The following NPLOC4 variants were observed in gnomAD, a reference collection of about 807,000 sequenced individuals.
NPLOC4 encodes NPL4 homolog, ubiquitin recognition factor.
A neutral mutation model predicts 80.6 loss-of-function variants in NPLOC4; 18 were observed. That is an observed-to-expected ratio of 0.22 (90% CI 0.15 to 0.33). The LOEUF (loss-of-function observed/expected upper bound fraction) is 0.33, where lower values mean the gene tolerates loss of function less well. Ranked by LOEUF, NPLOC4 falls within the 10% of genes least tolerant of loss-of-function variation. NPLOC4 has a pLI of 1.00. For missense variants in NPLOC4, 540 were observed against 786.1 expected, an observed-to-expected ratio of 0.69 and a Z score of 3.74; for synonymous variants, 313 against 301.5, an observed-to-expected ratio of 1.04 and a Z score of -0.39.
intron 12 of NPLOC4, among the ~76,000 whole-genome samples, chr17:81,576,461 G>A (rs549822040): frequency 6.6e-6 from 1 of 152,292 alleles, no homozygotes; most frequent in Non-Finnish European, 1.5e-5. Flanking sequence ...ATCCACTTTG[G>A]GGCGTGAGTG....
intron 9 of NPLOC4, among the ~76,000 whole-genome samples, chr17:81,599,447 T>C (rs565230901): frequency 7.9e-5 from 12 of 152,186 alleles, no homozygotes; most frequent in Non-Finnish European, 1.6e-4. Context: ...AACCCAAATA[T>C]GCCCCTAAAT....
chr17:81,576,947 G>C (rs140847055), intron 12 of NPLOC4, among the ~76,000 whole-genome samples: 55 of 152,250 alleles, frequency 3.6e-4, no homozygotes, highest in Non-Finnish European at 7.2e-4. Context: ...CAGACCCTTC[G>C]AGTACATAGT....
chr17:81,600,295 C>A (rs1342826911), intron 9 of NPLOC4, 46 bp downstream of exon 9: 7 of 1,440,046 alleles, frequency 4.9e-6, no homozygotes, highest in Admixed American at 1.9e-5. Context: ...GGATGCCCAA[C>A]AGAGCCTGGC....
At chr17:81,582,107 A>C (rs1419759241) in intron 12 of NPLOC4, among the ~76,000 whole-genome samples, 1 of 152,228 alleles carries the variant, frequency 6.6e-6, no homozygotes, top group Non-Finnish European at 1.5e-5. Context: ...TGGAGCATAG[A>C]CAGAGCCAGT....
chr17:81,575,405 C>G (rs1254909754), intron 12 of NPLOC4, among the ~76,000 whole-genome samples: 2 of 152,216 alleles, frequency 1.3e-5, no homozygotes, highest in Admixed American at 6.5e-5. Flanking sequence ...CCAGCTGACA[C>G]TTGGTTTCTT....
chr17:81,622,581 C>T (rs903100117), intron 2 of NPLOC4, among the ~76,000 whole-genome samples: 1 of 152,188 alleles, frequency 6.6e-6, no homozygotes, highest in Non-Finnish European at 1.5e-5. Flanking sequence ...CAGACAGTCT[C>T]GTTCTGTAGC....
chr17:81,567,135 C>T lies in NPLOC4; in HGVS notation c.1566+282G>A. 1 of 391,624 alleles carries T rather than the reference C, an allele frequency of 2.6e-6. No individual in the cohort carries two copies. Among genetic ancestry groups the T allele is most frequent in the South Asian group, 2.9e-5 (1 of 34,554 alleles). 24.3% of individuals were successfully genotyped at this position (391,624 alleles called of 1,614,324 possible). ...GCAGAGCTAAATCACCTCTGCTTCCCATTCGATTGTAACAGATGAAACCGT... is the reference window on the plus strand; with the variant it reads ...GCAGAGCTAAATCACCTCTGCTTCCTATTCGATTGTAACAGATGAAACCGT... On this transcript the variant is annotated intron_variant, in intron 15 of 16. Transcript: ENST00000331134. The surrounding 1 kb of genome is among the most constrained non-coding windows in gnomAD (Gnocchi z 4.5).
intron 1 of NPLOC4, 195 bp from the exon 2 acceptor site, chr17:81,630,000 G>A (rs1022554911): frequency 1.2e-5 from 6 of 516,612 alleles, no homozygotes; most frequent in African/African-American, 1.2e-4. Flanking sequence ...CATATGGGGA[G>A]ATATTTTAAG....
chr17:81,623,650 T>G (rs900648278), intron 2 of NPLOC4, among the ~76,000 whole-genome samples: 5 of 150,688 alleles, frequency 3.3e-5, no homozygotes, highest in Non-Finnish European at 7.4e-5. Context: ...TACAAAAAAT[T>G]AGCCGGGCGT....
At chr17:81,560,576 G>A (rs1209508504) in intron 16 of NPLOC4, 1 of 152,074 alleles carries the variant, frequency 6.6e-6, no homozygotes, top group African/African-American at 2.4e-5. Flanking sequence ...GGGTGGTGGT[G>A]CGCACCTGTA....
At chr17:81,581,111 A>T (rs2034426413) in intron 12 of NPLOC4, among the ~76,000 whole-genome samples, 1 of 152,216 alleles carries the variant, frequency 6.6e-6, no homozygotes, top group African/African-American at 2.4e-5. Context: ...GCACTCTGGG[A>T]GGCCAAGGCG....
intron 16 of NPLOC4, chr17:81,562,951 G>T (rs1367193039): frequency 7.1e-6 from 1 of 140,628 alleles, no homozygotes; most frequent in Non-Finnish European, 1.6e-5. Flanking sequence ...AAAAAAAGGA[G>T]GGGGGAAAAA....
At chr17:81,622,400 A>G (rs1265746722) in intron 2 of NPLOC4, 122 bp from the exon 3 acceptor site, 1 of 729,964 alleles carries the variant, frequency 1.4e-6, no homozygotes. Flanking sequence ...ATCATTTACC[A>G]AATTCCTCTT....
At chr17:81,610,318 G>A (rs2035308681) in intron 4 of NPLOC4, 60 bp from the exon 5 acceptor site, 1 of 1,476,276 alleles carries the variant, frequency 6.8e-7, no homozygotes, top group Non-Finnish European at 9.3e-7. Context: ...TTCCGCTGCT[G>A]CTGTCTCACA....
chr17:81,612,034 G>C (rs2035355574), intron 4 of NPLOC4, among the ~76,000 whole-genome samples: 1 of 151,658 alleles, frequency 6.6e-6, no homozygotes, highest in African/African-American at 2.4e-5. Context: ...AAGGGCCTGA[G>C]AGCGGTGCAT....
chr17:81,600,248 G>A (rs1598652466), intron 9 of NPLOC4, 93 bp downstream of exon 9: 4 of 856,116 alleles, frequency 4.7e-6, no homozygotes, highest in Admixed American at 4.0e-5. Context: ...GCCAGTACCC[G>A]ACACAGCCCG....
At chr17:81,583,120 AAG>A (rs1483629897) in intron 12 of NPLOC4, among the ~76,000 whole-genome samples, 1 of 152,248 alleles carries the variant, frequency 6.6e-6, no homozygotes, top group East Asian at 1.9e-4. Context: ...CCTAATTATC[AAG>A]AGAGATGTTA....
intron 6 of NPLOC4, among the ~76,000 whole-genome samples, chr17:81,607,393 CAAAA>C (rs1158799161): frequency 0.13 from 10,188 of 77,870 alleles, 459 homozygotes; most frequent in Middle Eastern, 0.3. Flanking sequence ...ATATAACTGA[CAAAA>C]AAAAAAAAAA....
intron 3 of NPLOC4, among the ~76,000 whole-genome samples, chr17:81,618,557 G>C (rs2035573934): frequency 1.3e-5 from 1 of 77,768 alleles, no homozygotes; most frequent in Non-Finnish European, 2.4e-5. Flanking sequence ...CCCCCGCCCG[G>C]CCAGCCGCCC....
Sources: gnomAD v4.1 joint callset for allele counts (sites outside exome capture counted in the v4.1 genomes callset) on GRCh38, gnomAD v4.1.1 for gene constraint, Gnocchi (gnomAD v3.1) non-coding constraint, MANE v1.5 for transcripts, NCBI Gene and HGNC (gene_info 2026-07-23, HGNC 2026-07-21) for gene names.